The following MED13L variants were observed in gnomAD, a reference collection of about 807,000 sequenced individuals.
The protein encoded by MED13L is mediator of RNA polymerase II transcription subunit 13-like.
MED13L carries 7 observed loss-of-function variants against 220.9 expected under a neutral mutation model. The ratio of observed to expected loss-of-function variants is 0.03; its 90% CI spans 0.02 to 0.06. The LOEUF is 0.06. Among genes scored for constraint, MED13L ranks in the 10% least tolerant of loss-of-function variants. The pLI, the probability that MED13L is intolerant of heterozygous loss-of-function variation, is 1.00. For missense variants in MED13L, 1,965 were observed against 2,760.5 expected, an observed-to-expected ratio of 0.71 and a Z score of 6.46; for synonymous variants, 1,011 against 1,015.2, an observed-to-expected ratio of 1.00 and a Z score of 0.08.
intron 2 of MED13L, among the ~76,000 whole-genome samples, chr12:116,195,505 G>C (rs1008227133): frequency 1.3e-5 from 2 of 152,016 alleles, no homozygotes; most frequent in African/African-American, 4.8e-5. Context: ...ACCCAGGCTA[G>C]GGTAGCACAA....
intron 1 of MED13L, among the ~76,000 whole-genome samples, chr12:116,271,191 T>TATGAAACAA (rs1328098350): frequency 8.6e-5 from 13 of 151,980 alleles, no homozygotes; most frequent in African/African-American, 2.7e-4. Context: ...AAGCAAGTCT[T>TATGAAACAA]ATGAAACAAA....
intron 4 of MED13L, among the ~76,000 whole-genome samples, chr12:116,077,634 T>C (rs1200816785): frequency 1.3e-5 from 2 of 152,114 alleles, no homozygotes; most frequent in Non-Finnish European, 2.9e-5. Flanking sequence ...CACAGACTAA[T>C]CTCTGAAAGG....
intron 2 of MED13L, among the ~76,000 whole-genome samples, chr12:116,181,908 C>A (rs1042855593): frequency 6.6e-6 from 1 of 152,186 alleles, no homozygotes; most frequent in Non-Finnish European, 1.5e-5. Flanking sequence ...TGGAGCACTA[C>A]AAGAATCTCA....
At chr12:115,972,457 G>A (rs913174929) in intron 25 of MED13L, 4 of 553,492 alleles carry the variant, frequency 7.2e-6, no homozygotes. Flanking sequence ...TGTGGCTGAA[G>A]TCATGTCTGA....
intron 2 of MED13L, among the ~76,000 whole-genome samples, chr12:116,208,151 T>C (rs949210901): frequency 2.0e-5 from 3 of 152,148 alleles, no homozygotes; most frequent in African/African-American, 7.2e-5. Context: ...TCCCAGCACT[T>C]TGGGAGGCCG....
intron 2 of MED13L, among the ~76,000 whole-genome samples, chr12:116,183,720 A>C (rs1293446918): frequency 6.6e-6 from 1 of 152,094 alleles, no homozygotes; most frequent in Non-Finnish European, 1.5e-5. Context: ...GAAATTAGGT[A>C]GCACTGCATT....
intron 3 of MED13L, among the ~76,000 whole-genome samples, chr12:116,099,493 C>G (rs1406243370): frequency 6.6e-6 from 1 of 152,170 alleles, no homozygotes; most frequent in Non-Finnish European, 1.5e-5. Flanking sequence ...AAAAAATATT[C>G]ATTTCCTCAT....
chr12:115,982,302 G>A (rs890357555), intron 22 of MED13L, 82 bp downstream of exon 22: 4 of 1,412,132 alleles, frequency 2.8e-6, no homozygotes, highest in Non-Finnish European at 3.9e-6. Flanking sequence ...CATTTTTTAA[G>A]AAAAATCATA....
rs1205642811 is a variant in MED13L at position 116,007,265 on chromosome 12, C to T, written c.2238+146G>A. ...AAAAGGAACAATACGCTGTTCAATA[C>T]AATAGTACCAAGAGCATGAATATGG... On this transcript the variant is annotated intron_variant, in intron 11 of 30. Coordinates refer to ENST00000281928, the MANE Select transcript of MED13L (RefSeq NM_015335.5). 3.9e-6 allele frequency: 3 copies of T among 764,836 alleles called. No homozygotes were observed. In the African/African-American group the frequency reaches 5.1e-5, roughly 13 times the overall value. The allele number at this position is 764,836 out of a possible 1,614,324, so 47.4% of individuals were successfully genotyped here. A position where few individuals can be genotyped will look rare whatever the true frequency, so the allele number is the denominator to read the frequency against.
chr12:116,220,085 C>T (rs1467723419), intron 2 of MED13L, among the ~76,000 whole-genome samples: 1 of 152,012 alleles, frequency 6.6e-6, no homozygotes, highest in African/African-American at 2.4e-5. Flanking sequence ...TGTGAGCCAC[C>T]GCACCCAGCC....
chr12:115,974,537 T>C (rs1592903641), intron 25 of MED13L, among the ~76,000 whole-genome samples: 1 of 152,226 alleles, frequency 6.6e-6, no homozygotes, highest in Non-Finnish European at 1.5e-5. Flanking sequence ...TGGTGGTCAG[T>C]TGTGTTGTGT....
intron 4 of MED13L, among the ~76,000 whole-genome samples, chr12:116,067,148 A>C (rs1387313110): frequency 1.3e-5 from 2 of 152,204 alleles, no homozygotes; most frequent in Non-Finnish European, 2.9e-5. Flanking sequence ...AATTATAAAC[A>C]GAGAATATGA....
intron 2 of MED13L, among the ~76,000 whole-genome samples, chr12:116,137,583 AGTACTCATAAATTATGAG>A (rs1876671783): frequency 6.6e-6 from 1 of 152,124 alleles, no homozygotes; most frequent in Non-Finnish European, 1.5e-5. Flanking sequence ...ATAATTTTGA[AGTACTCATAAATTATGAG>A]GTACTCCAAG....
At chr12:116,000,235 A>C (rs1218357520) in intron 14 of MED13L, among the ~76,000 whole-genome samples, 2 of 152,224 alleles carry the variant, frequency 1.3e-5, no homozygotes, top group East Asian at 3.9e-4. Flanking sequence ...GGTAAAGCAG[A>C]AAGAACACAC....
At chr12:115,964,508 G>A (rs1876002386) in intron 29 of MED13L, among the ~76,000 whole-genome samples, 2 of 152,126 alleles carry the variant, frequency 1.3e-5, no homozygotes. Flanking sequence ...TAAAGGAGAG[G>A]CAACATATAA....
chr12:116,250,025 T>TAAAAAAAAAAA (rs71095516), intron 1 of MED13L, among the ~76,000 whole-genome samples: 19 of 40,470 alleles, frequency 4.7e-4, no homozygotes, highest in East Asian at 8.8e-4. Context: ...CAGCATAAAC[T>TAAAAAAAAAAA]AAAAAAAAAA....
At chr12:116,118,287 C>T (rs1874707597) in intron 2 of MED13L, among the ~76,000 whole-genome samples, 1 of 151,476 alleles carries the variant, frequency 6.6e-6, no homozygotes, top group Non-Finnish European at 1.5e-5. Flanking sequence ...TATATTAAGC[C>T]CTTGTCTAAG....
intron 9 of MED13L, among the ~76,000 whole-genome samples, chr12:116,012,421 G>T (rs754642798): frequency 3.3e-5 from 5 of 152,150 alleles, no homozygotes; most frequent in South Asian, 2.1e-4. Context: ...ATTATCTACA[G>T]AAAGTCTCTT....
At chr12:116,245,802 A>C (rs1260974266) in intron 1 of MED13L, among the ~76,000 whole-genome samples, 1 of 152,214 alleles carries the variant, frequency 6.6e-6, no homozygotes, top group Admixed American at 6.5e-5. Context: ...TGAAATCCAA[A>C]TACAAGAGCT....
Sources: allele counts gnomAD v4.1 joint callset (sites outside exome capture counted in the v4.1 genomes callset), GRCh38; gene constraint gnomAD v4.1.1; transcripts MANE v1.5; gene names NCBI Gene and HGNC (gene_info 2026-07-23, HGNC 2026-07-21).